RDH12: variants seen among roughly 807,000 people sequenced by gnomAD.
RDH12 encodes the protein retinol dehydrogenase 12, also known as all-trans and 9-cis retinol dehydrogenase.
In RDH12, 21 loss-of-function variants were observed where a neutral mutation model predicts 34.0. That is an observed-to-expected ratio of 0.62 (90% CI 0.44 to 0.89). The LOEUF (loss-of-function observed/expected upper bound fraction) is 0.89, where lower values mean the gene tolerates loss of function less well. Ranked by LOEUF, RDH12 falls within the 40% of genes least tolerant of loss-of-function variation. The pLI is 0.00. For missense variants in RDH12, 394 were observed against 398.6 expected, an observed-to-expected ratio of 0.99 and a Z score of 0.10; for synonymous variants, 198 against 169.9, an observed-to-expected ratio of 1.17 and a Z score of -1.29.
intron 7 of RDH12, chr14:67,728,342 A>T (rs563680891): frequency 7.0e-4 from 107 of 152,428 alleles, no homozygotes; most frequent in African/African-American, 2.5e-3. Flanking sequence ...CATTCCTGTG[A>T]GGTGGGTGCT....
intron 1 of RDH12, among the ~76,000 whole-genome samples, chr14:67,718,265 C>G (rs1444090040): frequency 1.3e-5 from 2 of 152,106 alleles, no homozygotes; most frequent in East Asian, 3.9e-4. Context: ...TCTCATCTGG[C>G]TTCCAAAATA....
At chr14:67,729,454 C>T (rs1342912407) in intron 8 of RDH12, 74 bp downstream of exon 8, 1 of 1,431,018 alleles carries the variant, frequency 7.0e-7, no homozygotes, top group Non-Finnish European at 9.7e-7. Flanking sequence ...GCTGTTCATC[C>T]TGAGAAGCTG....
chr14:67,728,281 A>G (rs1044430255), intron 7 of RDH12: 3 of 152,212 alleles, frequency 2.0e-5, no homozygotes, highest in Non-Finnish European at 1.5e-5. Context: ...AATAATTGAG[A>G]GGTTTATGTG....
chr14:67,730,074 T>C (rs1489703759), intron 8 of RDH12, among the ~76,000 whole-genome samples: 1 of 152,254 alleles, frequency 6.6e-6, no homozygotes, highest in African/African-American at 2.4e-5. Flanking sequence ...CTAATGTTGC[T>C]TGAGTTTTTA....
intron 7 of RDH12, among the ~76,000 whole-genome samples, 167 bp from the exon 8 acceptor site, chr14:67,729,024 A>C (rs1472756387): frequency 6.6e-6 from 1 of 152,196 alleles, no homozygotes; most frequent in Non-Finnish European, 1.5e-5. Flanking sequence ...CTGAAAGATC[A>C]ATTCATTCCT....
chr14:67,710,515 T>C (rs1006030753), intron 1 of RDH12, among the ~76,000 whole-genome samples: 2 of 152,206 alleles, frequency 1.3e-5, no homozygotes, highest in East Asian at 3.8e-4. Flanking sequence ...TAACCAGTCA[T>C]GTCATTTTAC....
At chr14:67,719,771 CCCAA>C (rs1360999953) in intron 1 of RDH12, among the ~76,000 whole-genome samples, 1 of 152,150 alleles carries the variant, frequency 6.6e-6, no homozygotes, top group Non-Finnish European at 1.5e-5. Flanking sequence ...AGCCACAGTG[CCCAA>C]CCAAAATTTA....
intron 1 of RDH12, among the ~76,000 whole-genome samples, chr14:67,707,079 T>C (rs1263607977): frequency 5.3e-5 from 8 of 152,240 alleles, no homozygotes; most frequent in Admixed American, 4.6e-4. Context: ...GTTGCTGTTA[T>C]TTTCTTCTGA....
chr14:67,708,031 C>G (rs1459797225), intron 1 of RDH12, among the ~76,000 whole-genome samples: 1 of 152,196 alleles, frequency 6.6e-6, no homozygotes, highest in Non-Finnish European at 1.5e-5. Context: ...CAAATGGAAA[C>G]AGATTCTTAC....
chr14:67,726,179 A>AAATGAGG, intron 6 of RDH12, 24 bp downstream of exon 6: 1 of 1,340,746 alleles, frequency 7.5e-7, no homozygotes. Flanking sequence ...GGTGACTAAA[A>AAATGAGG]AATGAGGTAC....
chr14:67,714,454 C>G (rs1196050307), intron 1 of RDH12: 1 of 152,148 alleles, frequency 6.6e-6, no homozygotes, highest in Non-Finnish European at 1.5e-5. Context: ...ATTTTTGTAC[C>G]TAATATTTAC....
chr14:67,726,083 G>A lies in RDH12; in HGVS notation c.376G>A (p.Ala126Thr). The A allele has an allele frequency of 6.2e-7, 1 of 1,614,078 alleles. No homozygotes were observed. The highest frequency in any genetic ancestry group is 8.5e-7 in the Non-Finnish European group (1 of 1,179,948). ...EKQLHILINN[A>T]GVMMCPYSKT... ...GCAGCTCCATATTCTGATCAACAAT[G>A]CGGGAGTAATGATGTGTCCATATTC... Residue 126 changes from alanine (A) to threonine (T), a missense_variant, in exon 6 of 9, where the codon GCG becomes ACG. By Grantham distance (58) the Ala-to-Thr change is moderately conservative. Coordinates refer to ENST00000551171, the MANE Select transcript of RDH12 (RefSeq NM_152443.3).
At chr14:67,730,384 G>A (rs2038253904) in intron 8 of RDH12, among the ~76,000 whole-genome samples, 1 of 152,170 alleles carries the variant, frequency 6.6e-6, no homozygotes, top group South Asian at 2.1e-4. Context: ...GTGCATACCA[G>A]ATTTTTGAAG....
At chr14:67,727,476 GTTT>G (rs1404524207) in intron 7 of RDH12, 2 of 301,752 alleles carry the variant, frequency 6.6e-6, no homozygotes. Context: ...GAGGCTTTTT[GTTT>G]TTTTTGTTTT....
At position 67,732,882 on chromosome 14, in the gene RDH12, T is replaced by G. The variant is rs562547546; in HGVS notation, c.849-864T>G. Among the ~76,000 whole-genome samples the G allele has an allele frequency of 3.3e-5, 5 of 152,278 alleles. No homozygotes were observed. In the East Asian group the frequency reaches 7.7e-4, roughly 24 times the overall value. ...AGGTGTGAGCCACCGTGCCCAGCCG[T>G]GATAGGCTTTTCTTCTTTTATCAGC... is the stretch of plus-strand genomic sequence containing the variant. On this transcript the variant is annotated intron_variant, in intron 8 of 8. Coordinates refer to ENST00000551171, the MANE Select transcript of RDH12 (RefSeq NM_152443.3).
chr14:67,702,193 T>C (rs1008725832), intron 1 of RDH12, among the ~76,000 whole-genome samples: 2 of 151,970 alleles, frequency 1.3e-5, no homozygotes, highest in African/African-American at 4.8e-5. Context: ...GGTCTCAAAC[T>C]CCTGAGCTCA....
At chr14:67,729,484 A>C in intron 8 of RDH12, 104 bp downstream of exon 8, 1 of 1,188,136 alleles carries the variant, frequency 8.4e-7, no homozygotes, top group Non-Finnish European at 1.2e-6. Flanking sequence ...CTGATGATGC[A>C]ATCCAGGTTT....
At chr14:67,715,767 C>A (rs906226372) in intron 1 of RDH12, among the ~76,000 whole-genome samples, 2 of 152,114 alleles carry the variant, frequency 1.3e-5, no homozygotes, top group Non-Finnish European at 2.9e-5. Context: ...AATCTCATAA[C>A]CAGGGAGAGA....
intron 1 of RDH12, among the ~76,000 whole-genome samples, chr14:67,713,055 C>G (rs1386805495): frequency 6.6e-6 from 1 of 151,946 alleles, no homozygotes; most frequent in Admixed American, 6.6e-5. Flanking sequence ...AGGAAAAAGA[C>G]TGAAACAACA....
Sources: gnomAD v4.1 joint callset for allele counts (sites outside exome capture counted in the v4.1 genomes callset) on GRCh38, gnomAD v4.1.1 for gene constraint, MANE v1.5 for transcripts, NCBI Gene and HGNC (gene_info 2026-07-23, HGNC 2026-07-21) for gene names.